The following KAT6B variants were observed in gnomAD, a reference collection of about 807,000 sequenced individuals.
KAT6B encodes the protein histone acetyltransferase KAT6B.
A neutral mutation model predicts 187.5 loss-of-function variants in KAT6B; 10 were observed. The ratio of observed to expected loss-of-function variants is 0.05; its 90% CI spans 0.03 to 0.09. The LOEUF is 0.09. Among genes scored for constraint, KAT6B ranks in the 10% least tolerant of loss-of-function variants. The pLI, the probability that KAT6B is intolerant of heterozygous loss-of-function variation, is 1.00. For synonymous variants in KAT6B, 861 were observed against 926.8 expected (o/e 0.93, Z 1.29); for missense variants, 1,952 against 2,558.9 (o/e 0.76, Z 5.12).
At chr10:74,964,198 C>T (rs1303619716) in intron 4 of KAT6B, among the ~76,000 whole-genome samples, 1 of 152,094 alleles carries the variant, frequency 6.6e-6, no homozygotes, top group East Asian at 1.9e-4. Context: ...TGAGCCCCAT[C>T]CCTGCAAAAG....
chr10:74,839,792 C>A (rs1401931975), intron 2 of KAT6B, among the ~76,000 whole-genome samples: 1 of 152,174 alleles, frequency 6.6e-6, no homozygotes, highest in Admixed American at 6.5e-5. Context: ...TCTAAACTAA[C>A]TGACAGAGAA....
chr10:74,887,657 G>T (rs188907077), intron 3 of KAT6B, among the ~76,000 whole-genome samples: 40 of 152,116 alleles, frequency 2.6e-4, no homozygotes, highest in Non-Finnish European at 4.4e-4. Context: ...ATGTCAGGCT[G>T]ACCAGGCTGG....
At chr10:74,990,925 C>T (rs910634824) in intron 13 of KAT6B, among the ~76,000 whole-genome samples, 12 of 152,182 alleles carry the variant, frequency 7.9e-5, no homozygotes, top group Admixed American at 2.6e-4. Context: ...TCTCCTTTTT[C>T]TCAAATAGTC....
At chr10:74,845,520 TCA>T (rs1842033785) in intron 3 of KAT6B, among the ~76,000 whole-genome samples, 1 of 67,042 alleles carries the variant, frequency 1.5e-5, no homozygotes. Context: ...AGACTCTGTC[TCA>T]AAAAAAAAAA....
At chr10:74,909,240 A>T (rs1847019461) in intron 3 of KAT6B, among the ~76,000 whole-genome samples, 1 of 152,098 alleles carries the variant, frequency 6.6e-6, no homozygotes, top group South Asian at 2.1e-4. Context: ...GCGTGGTGGC[A>T]TTTGCCTGTA....
At chr10:75,010,192 C>T (rs914293500) in intron 13 of KAT6B, among the ~76,000 whole-genome samples, 4 of 152,114 alleles carry the variant, frequency 2.6e-5, no homozygotes, top group African/African-American at 4.8e-5. Context: ...CCTCAAATCA[C>T]GTTTCAAAGC....
intron 3 of KAT6B, among the ~76,000 whole-genome samples, chr10:74,852,671 A>G (rs1203101918): frequency 6.6e-6 from 1 of 152,204 alleles, no homozygotes; most frequent in Non-Finnish European, 1.5e-5. Context: ...TCAAGATGGG[A>G]CTTGTCTAGA....
chr10:74,831,696 G>A lies in KAT6B; in HGVS notation c.-329+4911G>A, dbSNP rs1449919834. ...ACTGTATTGCCCTTTTTCCTTTTAT[G>A]AGCTAGCATTTTATTGTGTTCCTGC... On this transcript the variant is annotated intron_variant, in intron 1 of 17. Coordinates refer to ENST00000287239, the MANE Select transcript of KAT6B (RefSeq NM_012330.4). 2.6e-5 allele frequency among the ~76,000 whole-genome samples: 4 copies of A among 152,262 alleles called. No individual in the cohort carries two copies. The East Asian group carries it at 7.7e-4, about 29-fold the overall frequency.
chr10:74,841,978 A>C (rs1841774018), intron 2 of KAT6B, among the ~76,000 whole-genome samples: 1 of 152,252 alleles, frequency 6.6e-6, no homozygotes, highest in African/African-American at 2.4e-5. Flanking sequence ...ACTGGGTATT[A>C]AGATAACTAG....
intron 3 of KAT6B, among the ~76,000 whole-genome samples, chr10:74,944,890 T>C (rs1329714246): frequency 6.8e-6 from 1 of 147,850 alleles, no homozygotes; most frequent in Non-Finnish European, 1.5e-5. Flanking sequence ...TGGCCAAAAT[T>C]AAAAACACTG....
chr10:74,999,468 C>G, intron 13 of KAT6B, among the ~76,000 whole-genome samples: 1 of 152,096 alleles, frequency 6.6e-6, no homozygotes, highest in Non-Finnish European at 1.5e-5. Flanking sequence ...GGGTGGAGTG[C>G]TTGGAGTGTT....
chr10:74,865,656 C>T (rs927895370), intron 3 of KAT6B, among the ~76,000 whole-genome samples: 3 of 152,026 alleles, frequency 2.0e-5, no homozygotes, highest in African/African-American at 4.8e-5. Flanking sequence ...GCTGAGATTA[C>T]AGGCGTGCAC....
intron 11 of KAT6B, chr10:74,983,188 A>G (rs1046697327): frequency 3.3e-5 from 5 of 152,238 alleles, no homozygotes; most frequent in African/African-American, 9.7e-5. Flanking sequence ...TGACATTTCA[A>G]GCTGGTTAGT....
chr10:74,932,217 A>G (rs1232098510), intron 3 of KAT6B, among the ~76,000 whole-genome samples: 1 of 152,236 alleles, frequency 6.6e-6, no homozygotes, highest in Non-Finnish European at 1.5e-5. Context: ...GTAACGACTC[A>G]TAGCTGCTAA....
At chr10:74,982,147 T>A in intron 11 of KAT6B, 1 of 515,666 alleles carries the variant, frequency 1.9e-6, no homozygotes, top group South Asian at 2.1e-5. Context: ...CACATTAACA[T>A]TTTTGTCTTC....
At chr10:74,944,808 CAAAAAAAAAAAAA>C (rs58164194) in intron 3 of KAT6B, among the ~76,000 whole-genome samples, 3 of 32,902 alleles carry the variant, frequency 9.1e-5, no homozygotes, top group South Asian at 1.7e-3. Context: ...GACTCCGTCT[CAAAAAAAAAAAAA>C]AAAAAAAAAA....
intron 3 of KAT6B, among the ~76,000 whole-genome samples, chr10:74,900,043 A>G (rs956829200): frequency 6.6e-6 from 1 of 152,156 alleles, no homozygotes; most frequent in African/African-American, 2.4e-5. Flanking sequence ...TCTTAGAGCA[A>G]AGTGTGATTT....
chr10:75,022,147 G>GGAAGAAGAAGAA lies in KAT6B; in HGVS notation c.3301_3312dup (p.Glu1101_Glu1104dup), dbSNP rs71929101. 1 of 1,595,096 alleles carries GGAAGAAGAAGAA rather than the reference G, an allele frequency of 6.3e-7. No homozygotes were observed. The highest frequency in any genetic ancestry group is 8.6e-7 in the Non-Finnish European group (1 of 1,166,398). ...AAGAGGATGAAGAGGAGGAAGAAGAGGAAGAAGAAGAAGAAGAAGAAGAAA... is the reference window on the plus strand; with the variant it reads ...AAGAGGATGAAGAGGAGGAAGAAGAGGAAGAAGAAGAAGAAGAAGAAGAAGAAGAAGAAGAAA... On this transcript the variant is annotated inframe_insertion, in exon 16 of 18. Transcript: ENST00000287239.
Position 74,981,920 on chromosome 10 carries a change from G to A in KAT6B, c.2365G>A (p.Val789Ile). The A allele has an allele frequency of 1.2e-6, 2 of 1,613,832 alleles. No homozygotes were observed. Residue 789 changes from valine (V) to isoleucine (I), a missense_variant, in exon 11 of 18, where the codon GTA (valine) becomes ATA (isoleucine). Val to Ile is a conservative substitution (Grantham distance 29). Transcript: ENST00000287239. ...NEIYRRKDLS[V>I]FEVDGNMSKI... ...AATTTACCGAAGGAAAGACCTTTCAGTATTTGAGGTAAGCGCGTGTAAATA... is the reference window on the plus strand; with the variant it reads ...AATTTACCGAAGGAAAGACCTTTCAATATTTGAGGTAAGCGCGTGTAAATA...
Sources: gnomAD v4.1 joint callset for allele counts (sites outside exome capture counted in the v4.1 genomes callset) on GRCh38, gnomAD v4.1.1 for gene constraint, MANE v1.5 for transcripts, NCBI Gene and HGNC (gene_info 2026-07-23, HGNC 2026-07-21) for gene names.